DDX27: variants seen among roughly 807,000 people sequenced by gnomAD.
DDX27 encodes the protein probable ATP-dependent RNA helicase DDX27.
In DDX27, 42 loss-of-function variants were observed where a neutral mutation model predicts 99.3. The observed-to-expected ratio is 0.42, with a 90% CI of 0.33 to 0.55. DDX27 has a LOEUF of 0.55. DDX27 is among the 20% of genes least tolerant of loss of function. DDX27 has a pLI of 0.07. For missense variants in DDX27, 798 were observed against 976.8 expected (o/e 0.82, Z 2.44); for synonymous variants, 329 against 353.8 (o/e 0.93, Z 0.79).
intron 15 of DDX27, 26 bp from the exon 16 acceptor site, chr20:49,239,210 C>T (rs1241884669): frequency 1.9e-6 from 3 of 1,606,522 alleles, no homozygotes; most frequent in South Asian, 2.2e-5. Context: ...GGTTTCACGG[C>T]AGGCATCCTT....
At chr20:49,240,252 A>G (rs964323435) in intron 16 of DDX27, among the ~76,000 whole-genome samples, 77 of 152,198 alleles carry the variant, frequency 5.1e-4, no homozygotes, top group African/African-American at 1.7e-3. Flanking sequence ...ATGTGTATAT[A>G]TAACCACAAT....
At position 49,242,577 on chromosome 20, in the gene DDX27, A is replaced by G. The variant is rs780684949; in HGVS notation, c.2117-17A>G. The G allele has an allele frequency of 6.2e-7, 1 of 1,612,482 alleles. No homozygotes were observed. The highest frequency in any genetic ancestry group is 1.1e-5 in the South Asian group (1 of 90,854). On this transcript the variant is annotated splice_polypyrimidine_tract_variant and intron_variant, in intron 18 of 20. Coordinates refer to ENST00000618172, the MANE Select transcript of DDX27 (RefSeq NM_017895.8). ...GGCCAAAGACAACCATATGTAACCC[A>G]TTCTCTCTGTGCACAGCCAAGAAGC...
In DDX27 at chr20:49,221,880, C is replaced by G. The variant is rs147156440; in HGVS notation, c.240+282C>G. On this transcript the variant is annotated intron_variant, in intron 2 of 20. Transcript: ENST00000618172. ...TTTAATACCAAACAAAGTATGAGCACTTGCCAGGTGGTCTCCGGTGGTGTC... is the reference window on the plus strand; with the variant it reads ...TTTAATACCAAACAAAGTATGAGCAGTTGCCAGGTGGTCTCCGGTGGTGTC... Among the ~76,000 whole-genome samples, 24 of 147,646 alleles carry G rather than the reference C, an allele frequency of 1.6e-4. No homozygotes were observed. The East Asian group carries it at 4.6e-3, about 29-fold the overall frequency.
Position 49,243,932 on chromosome 20 carries a change from A to AAAAAAC in DDX27, c.*110_*115dup. 6.9e-7 allele frequency: 1 copy of AAAAAAC among 1,459,110 alleles called. No homozygotes were observed. Among genetic ancestry groups the AAAAAAC allele is most frequent in the Non-Finnish European group, 9.4e-7 (1 of 1,067,736 alleles). The allele number at this position is 1,459,110 out of a possible 1,614,324, so 90.4% of individuals were successfully genotyped here. A position where few individuals can be genotyped will look rare whatever the true frequency, so the allele number is the denominator to read the frequency against. ...CTGTCTTTTCTCCATTTGTTTAAAA[A>AAAAAAC]AAAAACAAAAACAAAAAACAACACT... On this transcript the variant is annotated 3_prime_UTR_variant, in exon 21 of 21. Coordinates refer to ENST00000618172, the MANE Select transcript of DDX27 (RefSeq NM_017895.8).
intron 8 of DDX27, among the ~76,000 whole-genome samples, chr20:49,229,495 G>A (rs1233824415): frequency 1.3e-5 from 2 of 152,044 alleles, no homozygotes; most frequent in African/African-American, 4.8e-5. Flanking sequence ...TTTGGGCAGC[G>A]TTTTTCCAAT....
intron 4 of DDX27, chr20:49,224,667 T>G: frequency 2.7e-6 from 1 of 365,468 alleles, no homozygotes; most frequent in Non-Finnish European, 5.0e-6. Context: ...CCGCCCTCAA[T>G]AAGTATTTCT....
At position 49,236,291 on chromosome 20, in the gene DDX27, C is replaced by A. The variant is rs536347960; in HGVS notation, c.1510-42C>A. ...GAAGTCTTTTTGCCTCTTCGCACCC[C>A]CCTTCCCTTGCCAGGCCTGACGTTC... is the stretch of plus-strand genomic sequence containing the variant. On this transcript the variant is annotated intron_variant, in intron 13 of 20. Coordinates refer to ENST00000618172, the MANE Select transcript of DDX27 (RefSeq NM_017895.8). The surrounding 1 kb of genome is among the most constrained non-coding windows in gnomAD (Gnocchi z 4.1). The A allele has an allele frequency of 1.0e-5, 16 of 1,570,426 alleles. No homozygotes were observed. Among genetic ancestry groups the A allele is most frequent in the Middle Eastern group, 1.7e-4 (1 of 5,880 alleles).
chr20:49,221,412 A>T, intron 1 of DDX27, 40 bp from the exon 2 acceptor site: 1 of 1,611,194 alleles, frequency 6.2e-7, no homozygotes. Context: ...ATCATTCTTT[A>T]TCTCAGCCCC....
intron 7 of DDX27, among the ~76,000 whole-genome samples, chr20:49,226,815 A>C (rs966893509): frequency 6.7e-6 from 1 of 150,050 alleles, no homozygotes. Context: ...AAATTTTTGT[A>C]ACACAAAAAA....
chr20:49,219,686 C>T, intron 1 of DDX27, 145 bp downstream of exon 1: 1 of 839,356 alleles, frequency 1.2e-6, no homozygotes, highest in South Asian at 1.9e-5. Flanking sequence ...CAAGATCTTC[C>T]TCAGTTTCCC....
intron 3 of DDX27, 78 bp downstream of exon 3, chr20:49,223,094 G>T (rs1430951930): frequency 6.8e-7 from 1 of 1,477,530 alleles, no homozygotes. Flanking sequence ...CTCTCTGGAA[G>T]CCCTTATAGA....
chr20:49,227,052 C>T (rs1038791652), intron 7 of DDX27, among the ~76,000 whole-genome samples: 18 of 149,016 alleles, frequency 1.2e-4, no homozygotes, highest in East Asian at 4.1e-4. Flanking sequence ...TTAGTAGAGA[C>T]GGGGTTTCAC....
chr20:49,243,060 C>T (rs1980534101), intron 19 of DDX27, among the ~76,000 whole-genome samples: 1 of 152,118 alleles, frequency 6.6e-6, no homozygotes, highest in South Asian at 2.1e-4. Flanking sequence ...TCTTCTGCCT[C>T]CTTCCCCATT....
At chr20:49,226,904 C>G (rs1286730506) in intron 7 of DDX27, among the ~76,000 whole-genome samples, 1 of 120,274 alleles carries the variant, frequency 8.3e-6, no homozygotes, top group Admixed American at 1.1e-4. Flanking sequence ...GCTCTGTCGC[C>G]CAGGCTGGAG....
chr20:49,222,688 A>AT (rs1159332443), intron 2 of DDX27, among the ~76,000 whole-genome samples: 2 of 151,592 alleles, frequency 1.3e-5, no homozygotes, highest in African/African-American at 2.4e-5. Context: ...CTAATTTTGT[A>AT]TTTTTTTAGT....
At position 49,225,169 on chromosome 20, in the gene DDX27, G is replaced by A. The variant is rs61748377; in HGVS notation, c.570G>A (p.Gln190=). The A allele has an allele frequency of 6.3e-3, 10,197 of 1,614,074 alleles. 49 individuals are homozygous for A. The highest frequency in any genetic ancestry group is 7.4e-3 in the Non-Finnish European group (8,780 of 1,179,970). Residue 190 remains glutamine, a synonymous_variant, in exon 6 of 21, where the codon CAG becomes CAA. Coordinates refer to ENST00000618172, the MANE Select transcript of DDX27 (RefSeq NM_017895.8). ...AGTACGATGAAAACCTCTCGTTCCA[G>A]GACATGAACCTTTCCCGCCCTCTTC... ...ASQYDENLSF[Q]DMNLSRPLLK... is the part of the protein sequence containing the mutation.
intron 2 of DDX27, among the ~76,000 whole-genome samples, chr20:49,222,307 T>C (rs1258526020): frequency 6.6e-6 from 1 of 151,068 alleles, no homozygotes; most frequent in Non-Finnish European, 1.5e-5. Flanking sequence ...TAATTTTTTG[T>C]AGTTTTTTTT....
chr20:49,229,736 C>T (rs1021756660), intron 8 of DDX27, among the ~76,000 whole-genome samples: 5 of 151,794 alleles, frequency 3.3e-5, no homozygotes, highest in African/African-American at 1.2e-4. Flanking sequence ...GCAACCTCCA[C>T]CTCCTGGGTT....
chr20:49,227,549 T>C (rs1979944443), intron 7 of DDX27, among the ~76,000 whole-genome samples: 1 of 152,042 alleles, frequency 6.6e-6, no homozygotes, highest in African/African-American at 2.4e-5. Context: ...GTATTTTTAG[T>C]AGAGAGAGGG....
Sources: gnomAD v4.1 joint callset for allele counts (sites outside exome capture counted in the v4.1 genomes callset) on GRCh38, gnomAD v4.1.1 for gene constraint, Gnocchi (gnomAD v3.1) non-coding constraint, MANE v1.5 for transcripts, NCBI Gene and HGNC (gene_info 2026-07-23, HGNC 2026-07-21) for gene names.